Variants in RSPRY1 observed in about 807,000 individuals in gnomAD.
RSPRY1 encodes ring finger and SPRY domain containing 1.
Under a neutral mutation model 73.1 loss-of-function variants are expected in RSPRY1, and 23 were observed. The ratio of observed to expected loss-of-function variants is 0.31; its 90% CI spans 0.23 to 0.45. The LOEUF (loss-of-function observed/expected upper bound fraction) is 0.45. Ranked by LOEUF, RSPRY1 falls within the 20% of genes least tolerant of loss-of-function variation. RSPRY1 has a pLI of 1.00. For synonymous variants in RSPRY1, 226 were observed against 251.4 expected (o/e 0.90, Z 0.95); for missense variants, 448 against 698.7 (o/e 0.64, Z 4.05).
intron 10 of RSPRY1, among the ~76,000 whole-genome samples, chr16:57,224,966 C>G (rs879401770): frequency 6.6e-6 from 1 of 152,230 alleles, no homozygotes; most frequent in Non-Finnish European, 1.5e-5. Flanking sequence ...GCCACAATGC[C>G]TACATTTTAG....
chr16:57,207,844 C>G (rs965165643), intron 2 of RSPRY1, among the ~76,000 whole-genome samples: 1 of 152,142 alleles, frequency 6.6e-6, no homozygotes, highest in African/African-American at 2.4e-5. Context: ...CCCATTTTGT[C>G]TGTGGGTCAT....
intron 2 of RSPRY1, 71 bp downstream of exon 2, chr16:57,205,079 T>C: frequency 8.8e-7 from 1 of 1,138,996 alleles, no homozygotes; most frequent in Non-Finnish European, 1.3e-6. Context: ...ACTTTAGGAC[T>C]CCTTCAGTTC....
intron 11 of RSPRY1, 81 bp from the exon 12 acceptor site, chr16:57,230,630 C>T: frequency 3.9e-6 from 3 of 763,078 alleles, no homozygotes; most frequent in Admixed American, 4.1e-5. Flanking sequence ...AATACAGTGC[C>T]ATTGAAACAC....
intron 1 of RSPRY1, among the ~76,000 whole-genome samples, chr16:57,197,709 TTTTTTGTTTTTG>T (rs372042318): frequency 1.3e-5 from 2 of 152,072 alleles, no homozygotes; most frequent in Admixed American, 6.6e-5. Flanking sequence ...TCAGTTTTTG[TTTTTTGTTTTTG>T]TTTTTGTTTT....
chr16:57,198,018 G>GTAAT (rs1156817107), intron 1 of RSPRY1, among the ~76,000 whole-genome samples: 6 of 149,192 alleles, frequency 4.0e-5, no homozygotes, highest in Non-Finnish European at 8.9e-5. Flanking sequence ...GAGCCACCAT[G>GTAAT]CCCATCCTAT....
chr16:57,230,620 A>T, intron 11 of RSPRY1, 91 bp from the exon 12 acceptor site: 1 of 716,834 alleles, frequency 1.4e-6, no homozygotes, highest in Non-Finnish European at 2.4e-6. Flanking sequence ...ATGCAGACTT[A>T]ATACAGTGCC....
At chr16:57,217,909 G>C (rs2074966790) in intron 8 of RSPRY1, among the ~76,000 whole-genome samples, 1 of 152,160 alleles carries the variant, frequency 6.6e-6, no homozygotes, top group African/African-American at 2.4e-5. Context: ...GAATAATTCT[G>C]AAAGAGTGCA....
chr16:57,200,737 C>A (rs1471409478), intron 1 of RSPRY1, among the ~76,000 whole-genome samples: 4 of 108,738 alleles, frequency 3.7e-5, no homozygotes, highest in African/African-American at 3.7e-5. Context: ...TAGGGGCGGC[C>A]GGGCAGAGGC....
At chr16:57,232,435 A>G (rs1179828656) in intron 13 of RSPRY1, among the ~76,000 whole-genome samples, 12 of 152,216 alleles carry the variant, frequency 7.9e-5, no homozygotes, top group African/African-American at 2.9e-4. Context: ...GTTAATTCCT[A>G]GAACTTTTCA....
chr16:57,207,966 C>T, intron 2 of RSPRY1, 92 bp from the exon 3 acceptor site: 1 of 770,474 alleles, frequency 1.3e-6, no homozygotes, highest in Non-Finnish European at 2.2e-6. Context: ...TTCTTCTGTC[C>T]CTTTTTACCT....
intron 10 of RSPRY1, chr16:57,224,375 G>A (rs1487686799): frequency 1.3e-5 from 2 of 152,224 alleles, no homozygotes; most frequent in African/African-American, 4.8e-5. Context: ...AAACGGTTGG[G>A]ATGCCCTACA....
At chr16:57,205,204 T>A (rs1349359126) in intron 2 of RSPRY1, 196 bp downstream of exon 2, 6 of 567,588 alleles carry the variant, frequency 1.1e-5, no homozygotes, top group Non-Finnish European at 1.9e-5. Flanking sequence ...TGTCATCTAC[T>A]TTGTCTGGAA....
At position 57,194,176 on chromosome 16, in the gene RSPRY1, A is replaced by G. The variant is rs536603196; in HGVS notation, c.-156+7725A>G. On this transcript the variant is annotated intron_variant, in intron 1 of 14. Transcript: ENST00000394420. ...CATGCTGAATTATTTAAGAGAAAGT[A>G]TACTGATGCCTATAGTTTACTTTGA... is the stretch of plus-strand genomic sequence containing the variant. Among the ~76,000 whole-genome samples, 93 of 152,362 alleles carry G rather than the reference A, an allele frequency of 6.1e-4. 2 individuals carry two copies. The South Asian group carries it at 0.019, about 31-fold the overall frequency.
At chr16:57,202,933 C>T (rs1350881159) in intron 1 of RSPRY1, among the ~76,000 whole-genome samples, 1 of 143,250 alleles carries the variant, frequency 7.0e-6, no homozygotes, top group African/African-American at 2.5e-5. Flanking sequence ...CTCCATTTTT[C>T]TCTTTTTCTT....
At chr16:57,217,074 A>C in intron 8 of RSPRY1, 39 bp downstream of exon 8, 1 of 1,611,688 alleles carries the variant, frequency 6.2e-7, no homozygotes, top group Non-Finnish European at 8.5e-7. Flanking sequence ...GTCCGTTTCC[A>C]TTTCCAGACT....
At chr16:57,208,599 A>G (rs1242044839) in intron 3 of RSPRY1, among the ~76,000 whole-genome samples, 1 of 151,502 alleles carries the variant, frequency 6.6e-6, no homozygotes, top group Non-Finnish European at 1.5e-5. Flanking sequence ...GAATTTCACC[A>G]TGTTGGCCCA....
intron 3 of RSPRY1, 134 bp from the exon 4 acceptor site, chr16:57,208,941 T>G (rs938089979): frequency 3.3e-6 from 2 of 601,386 alleles, no homozygotes; most frequent in Non-Finnish European, 5.8e-6. Context: ...GATGATTATG[T>G]CCATGCCAAA....
intron 10 of RSPRY1, among the ~76,000 whole-genome samples, chr16:57,222,720 C>A (rs187310933): frequency 6.6e-6 from 1 of 152,304 alleles, no homozygotes; most frequent in East Asian, 1.9e-4. Flanking sequence ...TGGGGAAAAT[C>A]TCAGAGAATT....
chr16:57,200,339 C>G (rs1490463388), intron 1 of RSPRY1, among the ~76,000 whole-genome samples: 2 of 151,936 alleles, frequency 1.3e-5, no homozygotes, highest in African/African-American at 4.8e-5. Flanking sequence ...TCCGATTTCT[C>G]AATCTTTTCC....
Sources: gnomAD v4.1 joint callset for allele counts (sites outside exome capture counted in the v4.1 genomes callset) on GRCh38, gnomAD v4.1.1 for gene constraint, MANE v1.5 for transcripts, NCBI Gene and HGNC (gene_info 2026-07-23, HGNC 2026-07-21) for gene names.